LY75: variants seen among roughly 807,000 people sequenced by gnomAD.
LY75 encodes the protein C-type lectin domain family 13 member B.
LY75 carries 185 observed loss-of-function variants against 231.7 expected under a neutral mutation model. That is an observed-to-expected ratio of 0.80 (90% confidence interval 0.71 to 0.90). The LOEUF is 0.90. Ranked by LOEUF, LY75 falls within the 40% of genes least tolerant of loss-of-function variation. The probability of loss-of-function intolerance (pLI) is 0.00; values close to 1 mark genes in which losing one functional copy is unlikely to be tolerated. For synonymous variants in LY75, 668 were observed against 689.0 expected, an observed-to-expected ratio of 0.97 and a Z score of 0.48; for missense variants, 1,947 against 2,050.2, an observed-to-expected ratio of 0.95 and a Z score of 0.97.
At chr2:159,844,175 G>A (rs181553358) in intron 23 of LY75, among the ~76,000 whole-genome samples, 1 of 151,932 alleles carries the variant, frequency 6.6e-6, no homozygotes, top group Non-Finnish European at 1.5e-5. Flanking sequence ...GAAGAGAGAG[G>A]AACACATTCC....
Position 159,804,375 on chromosome 2 carries a change from C to G in LY75, c.*669G>C, listed in dbSNP as rs1682735892. On this transcript the variant is annotated 3_prime_UTR_variant, in exon 35 of 35. Coordinates refer to ENST00000263636, the MANE Select transcript of LY75 (RefSeq NM_002349.4). The stretch of plus-strand genomic sequence containing the variant: ...ACTAAAAATACAAAAATTAGCCGGG[C>G]ATGGTGGCAGTTGCCTGTAATCCCA... 6.6e-6 allele frequency: 1 copy of G among 152,138 alleles called. No homozygotes were observed. The highest frequency in any genetic ancestry group is 2.4e-5 in the African/African-American group (1 of 41,408). 9.4% of individuals were successfully genotyped at this position (152,138 alleles called of 1,614,324 possible). A position where few individuals can be genotyped will look rare whatever the true frequency, so the allele number is the denominator to read the frequency against.
intron 28 of LY75, among the ~76,000 whole-genome samples, chr2:159,828,583 A>C (rs1683550693): frequency 6.6e-6 from 1 of 152,328 alleles, no homozygotes; most frequent in Admixed American, 6.5e-5. Context: ...ACAACCTGGT[A>C]GTTCTTCAAA....
Position 159,898,761 on chromosome 2 carries a change from T to C in LY75, c.393A>G (p.Thr131=), listed in dbSNP as rs114308056. Residue 131 remains threonine (T), a synonymous_variant, in exon 2 of 35, where the codon ACA becomes ACG. Transcript: ENST00000263636. ...AGACATCAGATGCATTTGAGATTGC[T>C]GTGCCATGTCCATCCTTCAGAGCCA... is the stretch of plus-strand genomic sequence containing the variant. The part of the protein sequence containing the change: ...YRLALKDGHG[T]AISNASDVWK... 1,885 of 1,614,262 alleles carry C rather than the reference T, an allele frequency of 1.2e-3. 11 individuals carry two copies. In the Middle Eastern group the frequency reaches 0.032, roughly 27 times the overall value.
chr2:159,874,310 T>A (rs376662931), intron 12 of LY75, among the ~76,000 whole-genome samples: 26 of 31,456 alleles, frequency 8.3e-4, no homozygotes, highest in East Asian at 3.2e-3. Context: ...AATATATAAA[T>A]ATATATATGT....
At chr2:159,807,188 T>C in intron 33 of LY75, 48 bp from the exon 34 acceptor site, 1 of 1,568,992 alleles carries the variant, frequency 6.4e-7, no homozygotes, top group Non-Finnish European at 8.6e-7. Context: ...ACTAAACTAG[T>C]AAGTTACAAG....
intron 28 of LY75, among the ~76,000 whole-genome samples, chr2:159,823,877 T>A (rs1348274528): frequency 1.3e-5 from 2 of 152,062 alleles, no homozygotes; most frequent in Admixed American, 1.3e-4. Flanking sequence ...AGAAATAAAA[T>A]CCTTGACAGA....
intron 28 of LY75, 35 bp from the exon 29 acceptor site, chr2:159,819,955 T>C: frequency 6.5e-7 from 1 of 1,550,070 alleles, no homozygotes; most frequent in East Asian, 2.3e-5. Context: ...TGCTTAGAGA[T>C]TAAATCAAGA....
chr2:159,894,176 G>A (rs1394148672), intron 2 of LY75, 92 bp from the exon 3 acceptor site: 2 of 1,429,800 alleles, frequency 1.4e-6, no homozygotes, highest in Non-Finnish European at 9.4e-7. Context: ...TAAAAGAAAC[G>A]TTGTTTAGAA....
chr2:159,860,702 C>G (rs1684675957), intron 15 of LY75, 119 bp downstream of exon 15: 1 of 1,207,570 alleles, frequency 8.3e-7, no homozygotes, highest in Non-Finnish European at 1.2e-6. Context: ...GTGTGCTTAT[C>G]TCTCACTGCA....
intron 1 of LY75, chr2:159,902,259 G>A (rs1686104315): frequency 1.3e-5 from 2 of 152,188 alleles, no homozygotes; most frequent in African/African-American, 4.8e-5. Context: ...CTAAAAGGCA[G>A]AAGTTGATGA....
intron 6 of LY75, among the ~76,000 whole-genome samples, chr2:159,883,584 C>T (rs1685502138): frequency 6.6e-6 from 1 of 152,124 alleles, no homozygotes; most frequent in African/African-American, 2.4e-5. Context: ...TATTTTCCTG[C>T]TGGCACAGTT....
intron 11 of LY75, among the ~76,000 whole-genome samples, chr2:159,876,551 G>A (rs1046136729): frequency 3.9e-5 from 6 of 152,082 alleles, no homozygotes; most frequent in African/African-American, 1.2e-4. Flanking sequence ...GCCCATGATA[G>A]ACCAAGTTGG....
At chr2:159,854,771 A>G in intron 17 of LY75, 133 bp downstream of exon 17, 1 of 1,362,346 alleles carries the variant, frequency 7.3e-7, no homozygotes, top group Non-Finnish European at 1.0e-6. Flanking sequence ...CCAGTCGCTC[A>G]CCTTCCTTGC....
intron 3 of LY75, among the ~76,000 whole-genome samples, chr2:159,891,811 T>A (rs1179078858): frequency 6.6e-6 from 1 of 152,218 alleles, no homozygotes; most frequent in African/African-American, 2.4e-5. Context: ...ATTTCACTGA[T>A]CTGGGCCTTC....
chr2:159,868,150 GCAAA>G (rs1157528479), intron 13 of LY75, among the ~76,000 whole-genome samples: 3 of 152,116 alleles, frequency 2.0e-5, no homozygotes, highest in Non-Finnish European at 2.9e-5. Flanking sequence ...CACAGCACAG[GCAAA>G]CAATTTCTTT....
intron 28 of LY75, 139 bp from the exon 29 acceptor site, chr2:159,820,059 T>C: frequency 1.4e-6 from 1 of 704,472 alleles, no homozygotes; most frequent in Non-Finnish European, 2.1e-6. Context: ...TATAACCCTT[T>C]AAGATATTTT....
At position 159,816,949 on chromosome 2, in the gene LY75, C is replaced by T; in HGVS notation, c.4237G>A (p.Val1413Ile). 6.2e-7 allele frequency: 1 copy of T among 1,614,086 alleles called. No individual in the cohort carries two copies. The highest frequency in any genetic ancestry group is 2.2e-5 in the East Asian group (1 of 44,862). The change falls in exon 30 of 35, where the codon GTA (valine) becomes ATA (isoleucine). Residue 1413 changes from valine (V) to isoleucine (I), a missense_variant. Physicochemically the swap from Val to Ile is conservative, Grantham distance 29. Coordinates refer to ENST00000263636, the MANE Select transcript of LY75 (RefSeq NM_002349.4). ...ATGTTTAATGCTTCATACCATGTTA[C>T]CTTTTTTTGAATAACACTGTAAATA... ...DGIYSVIQKKVTWYEALNMCS... is the reference protein window; with the variant it reads ...DGIYSVIQKKITWYEALNMCS...
chr2:159,880,332 T>C (rs1013980965), intron 8 of LY75, among the ~76,000 whole-genome samples: 9 of 152,162 alleles, frequency 5.9e-5, no homozygotes, highest in Non-Finnish European at 1.0e-4. Flanking sequence ...TTCTGAAAAA[T>C]GTTAGGCCTA....
chr2:159,888,880 C>T (rs2125881118), intron 4 of LY75, among the ~76,000 whole-genome samples: 1 of 152,292 alleles, frequency 6.6e-6, no homozygotes, highest in African/African-American at 2.4e-5. Context: ...TCGCATTCCT[C>T]ATCTGCAAAA....
Sources: allele counts gnomAD v4.1 joint callset (sites outside exome capture counted in the v4.1 genomes callset), GRCh38; gene constraint gnomAD v4.1.1; transcripts MANE v1.5; gene names NCBI Gene and HGNC (gene_info 2026-07-23, HGNC 2026-07-21).